MDN1: variants seen among roughly 807,000 people sequenced by gnomAD.
The protein encoded by MDN1 is midasin.
A neutral mutation model predicts 669.2 loss-of-function variants in MDN1; 266 were observed. The ratio of observed to expected loss-of-function variants is 0.40; its 90% CI spans 0.36 to 0.44. The LOEUF (loss-of-function observed/expected upper bound fraction) is 0.44, where lower values mean the gene tolerates loss of function less well. Among genes scored for constraint, MDN1 ranks in the 20% least tolerant of loss-of-function variants. The probability of loss-of-function intolerance (pLI) is 1.00; values close to 1 mark genes in which losing one functional copy is unlikely to be tolerated. For missense variants in MDN1, 5,940 were observed against 6,754.0 expected (o/e 0.88, Z 4.22); for synonymous variants, 2,385 against 2,457.1 (o/e 0.97, Z 0.87).
chr6:89,732,648 C>G lies in MDN1; in HGVS notation c.4851G>C (p.Glu1617Asp). The change falls in exon 34 of 102, where the codon GAG becomes GAC. Residue 1617 changes from glutamate to aspartate, a missense_variant. This residue lies in a region of MDN1 where 2,292 missense variants were observed against 2,638.3 expected (regional missense o/e 0.87). Coordinates refer to ENST00000369393, the MANE Select transcript of MDN1 (RefSeq NM_014611.3). ...TCTCTGGCCTTTTCAAAGCAGCTTC[C>G]TCCCCCATTTTGTTCATGAAGTTAA... ...SWVNFMNKMG[E>D]EAALKRPEII... The G allele has an allele frequency of 6.2e-7, 1 of 1,614,036 alleles. No homozygotes were observed.
chr6:89,814,109 C>T (rs978615502), intron 1 of MDN1, among the ~76,000 whole-genome samples: 1 of 151,872 alleles, frequency 6.6e-6, no homozygotes, highest in African/African-American at 2.4e-5. Flanking sequence ...ATTCTAAGCC[C>T]CCCCAACCAA....
Position 89,775,908 on chromosome 6 carries a change from T to C in MDN1, c.1821+692A>G, listed in dbSNP as rs142643899. ...TTCACAGTGTTGGCCAGGCTGGTCT[T>C]AAACTCCCGACCTCAGGTGATCCAC... On this transcript the variant is annotated intron_variant, in intron 12 of 101. Coordinates refer to ENST00000369393, the MANE Select transcript of MDN1 (RefSeq NM_014611.3). Among the ~76,000 whole-genome samples, 963 of 152,114 alleles carry C rather than the reference T, an allele frequency of 6.3e-3. 9 individuals carry two copies. Among genetic ancestry groups the C allele is most frequent in the African/African-American group, 0.022 (901 of 41,520 alleles).
At chr6:89,747,715 C>A (rs1467617793) in intron 26 of MDN1, among the ~76,000 whole-genome samples, 1 of 150,408 alleles carries the variant, frequency 6.6e-6, no homozygotes, top group East Asian at 2.0e-4. Flanking sequence ...CATGGTGAAA[C>A]CCCGTCTCTA....
At position 89,702,058 on chromosome 6, in the gene MDN1, A is replaced by C. The variant is rs115466133; in HGVS notation, c.8152T>G (p.Leu2718Val). Residue 2718 changes from leucine to valine, a missense_variant, in exon 54 of 102, where the codon TTA becomes GTA. Transcript: ENST00000369393. ...CGGTCCCGCCACCGCAGAGAACCTA[A>C]GATCTAAAAACAAAGTCTCTTAGAT... is the stretch of plus-strand genomic sequence containing the variant. Reference protein sequence around the residue: ...MVSDASANEILGSLRWRDRFW... With the variant: ...MVSDASANEIVGSLRWRDRFW... 1,242 of 1,588,592 alleles carry C rather than the reference A, an allele frequency of 7.8e-4. 12 individuals are homozygous for C. In the African/African-American group the frequency reaches 0.015, roughly 19 times the overall value.
At chr6:89,791,608 C>A (rs1819273893) in intron 5 of MDN1, among the ~76,000 whole-genome samples, 1 of 151,966 alleles carries the variant, frequency 6.6e-6, no homozygotes, top group Non-Finnish European at 1.5e-5. Flanking sequence ...TTTTCTGTAA[C>A]AAAAAGTAAA....
At chr6:89,796,351 C>CAAAAAAAAAAA (rs1201094734) in intron 2 of MDN1, among the ~76,000 whole-genome samples, 2 of 71,578 alleles carry the variant, frequency 2.8e-5, no homozygotes, top group South Asian at 4.8e-4. Flanking sequence ...AAAAAAAAAA[C>CAAAAAAAAAAA]AAAAAAAAAA....
chr6:89,744,412 CT>C (rs578102365), intron 29 of MDN1, among the ~76,000 whole-genome samples: 2 of 151,654 alleles, frequency 1.3e-5, no homozygotes, highest in Admixed American at 6.6e-5. Context: ...GAGACTCCAT[CT>C]TTTTTTTAGT....
chr6:89,677,807 CTTGTT>C, intron 75 of MDN1, 111 bp from the exon 76 acceptor site: 1 of 1,421,872 alleles, frequency 7.0e-7, no homozygotes, highest in Non-Finnish European at 9.6e-7. Flanking sequence ...CACCTGAGAG[CTTGTT>C]AGAAATGCAG....
chr6:89,703,446 G>A (rs1456333633), intron 53 of MDN1, among the ~76,000 whole-genome samples: 1 of 151,700 alleles, frequency 6.6e-6, no homozygotes, highest in African/African-American at 2.4e-5. Context: ...ATACGGTTTT[G>A]TTTAATACAG....
In MDN1 at chr6:89,696,443, C is replaced by T. The variant is rs1293697045; in HGVS notation, c.9300G>A (p.Glu3100=). The change falls in exon 60 of 102, where the codon GAG becomes GAA. Residue 3100 remains glutamate, a synonymous_variant. Coordinates refer to ENST00000369393, the MANE Select transcript of MDN1 (RefSeq NM_014611.3). ...GGAGCTGCTGAGTTCTCTCAACCCA[C>T]TCTCCTAGGGTCACGTGAGAGGAGG... The part of the protein sequence containing the change: ...ILSSSHVTLG[E]WVERTQQLQD... 1 of 1,614,210 alleles carries T rather than the reference C, an allele frequency of 6.2e-7. No individual in the cohort carries two copies. Among genetic ancestry groups the T allele is most frequent in the African/African-American group, 1.3e-5 (1 of 75,062 alleles).
At chr6:89,672,726 C>T (rs1260320617) in intron 80 of MDN1, 24 bp from the exon 81 acceptor site, 1 of 1,606,932 alleles carries the variant, frequency 6.2e-7, no homozygotes, top group African/African-American at 1.3e-5. Context: ...TGGTGCAAAA[C>T]AAACATACAA....
chr6:89,675,237 C>T lies in MDN1; in HGVS notation c.12761+227G>A, dbSNP rs150628332. On this transcript the variant is annotated intron_variant, in intron 78 of 101. Coordinates refer to ENST00000369393, the MANE Select transcript of MDN1 (RefSeq NM_014611.3). Reference sequence around the variant, plus strand: ...TGACACAGCCCTGAAATCTCTGCAGCTCCATATTCTCAGGAGGTTCAGAGC... The same window carrying T: ...TGACACAGCCCTGAAATCTCTGCAGTTCCATATTCTCAGGAGGTTCAGAGC... Among the ~76,000 whole-genome samples, 316 of 152,314 alleles carry T rather than the reference C, an allele frequency of 2.1e-3. 1 individual carries two copies. Among genetic ancestry groups the T allele is most frequent in the Admixed American group, 3.9e-3 (59 of 15,300 alleles).
At chr6:89,659,209 A>AT (rs1190268410) in intron 88 of MDN1, among the ~76,000 whole-genome samples, 1 of 152,186 alleles carries the variant, frequency 6.6e-6, no homozygotes, top group Non-Finnish European at 1.5e-5. Flanking sequence ...CCCATCTTTT[A>AT]CAAAAAATAA....
chr6:89,723,501 T>C lies in MDN1; in HGVS notation c.5778+11A>G. ...AGAAAAAAAAAGAAACCAATACGTG[T>C]AGGTACTTACTTGGTTATTGAAAGC... On this transcript the variant is annotated intron_variant, in intron 39 of 101. Transcript: ENST00000369393. 1 of 1,450,582 alleles carries C rather than the reference T, an allele frequency of 6.9e-7. No individual in the cohort carries two copies. Among genetic ancestry groups the C allele is most frequent in the Non-Finnish European group, 9.6e-7 (1 of 1,046,106 alleles). 89.9% of individuals were successfully genotyped at this position (1,450,582 alleles called of 1,614,324 possible).
At chr6:89,816,669 CT>C (rs1382043189) in intron 1 of MDN1, among the ~76,000 whole-genome samples, 1 of 151,036 alleles carries the variant, frequency 6.6e-6, no homozygotes, top group Non-Finnish European at 1.5e-5. Context: ...CTCCACACCC[CT>C]ATCTTTTTTT....
intron 19 of MDN1, among the ~76,000 whole-genome samples, 166 bp downstream of exon 19, chr6:89,758,089 C>G (rs1428326138): frequency 1.3e-5 from 2 of 151,690 alleles, no homozygotes. Context: ...TGGCATGCAC[C>G]CATAATCCCG....
intron 20 of MDN1, 78 bp from the exon 21 acceptor site, chr6:89,754,308 A>C: frequency 1.4e-6 from 2 of 1,440,254 alleles, no homozygotes; most frequent in Non-Finnish European, 1.9e-6. Flanking sequence ...AGAAAACCCA[A>C]AGGACATTTT....
At position 89,725,219 on chromosome 6, in the gene MDN1, A is replaced by G. The variant is rs1815138371; in HGVS notation, c.5650T>C (p.Phe1884Leu). The G allele has an allele frequency of 6.2e-7, 1 of 1,613,866 alleles. No homozygotes were observed. The highest frequency in any genetic ancestry group is 1.3e-5 in the African/African-American group (1 of 74,892). Residue 1884 changes from phenylalanine to leucine, a missense_variant, in exon 38 of 102, where the codon TTC (phenylalanine) becomes CTC (leucine). Physicochemically the swap from Phe to Leu is conservative, Grantham distance 22. Around this residue, in one of 5 missense-constraint regions of MDN1, gnomAD observed 2,292 missense variants for 2,638.3 expected, o/e 0.87. Coordinates refer to ENST00000369393, the MANE Select transcript of MDN1 (RefSeq NM_014611.3). ...CTTACCTGAGTGAATCTGTTAAGGAAAGACCTGGGCAAGCCTTTCCTCCCA... is the reference window on the plus strand; with the variant it reads ...CTTACCTGAGTGAATCTGTTAAGGAGAGACCTGGGCAAGCCTTTCCTCCCA... ...GGGRKGLPRSFLNRFTQVFVD... is the reference protein window; with the variant it reads ...GGGRKGLPRSLLNRFTQVFVD...
intron 11 of MDN1, among the ~76,000 whole-genome samples, 170 bp from the exon 12 acceptor site, chr6:89,776,865 A>C (rs907949370): frequency 6.6e-6 from 1 of 152,228 alleles, no homozygotes; most frequent in African/African-American, 2.4e-5. Flanking sequence ...GGACCTGACC[A>C]TAATGGAAAG....
Sources: allele counts gnomAD v4.1 joint callset (sites outside exome capture counted in the v4.1 genomes callset), GRCh38; gene constraint gnomAD v4.1.1; regional missense constraint gnomAD v4.1.1; transcripts MANE v1.5; gene names NCBI Gene and HGNC (gene_info 2026-07-23, HGNC 2026-07-21).